ARID5B: variants seen among roughly 807,000 people sequenced by gnomAD.
ARID5B encodes AT-rich interactive domain-containing protein 5B.
Under a neutral mutation model 97.2 loss-of-function variants are expected in ARID5B, and 13 were observed. That is an observed-to-expected ratio of 0.13 (90% CI 0.09 to 0.21). ARID5B has a LOEUF of 0.21. Ranked by LOEUF, ARID5B falls within the 10% of genes least tolerant of loss-of-function variation. ARID5B has a pLI of 1.00. For synonymous variants in ARID5B, 556 were observed against 570.3 expected (o/e 0.97, Z 0.36); for missense variants, 1,210 against 1,465.3 (o/e 0.83, Z 2.84).
chr10:62,080,535 T>C (rs984974602), intron 8 of ARID5B, among the ~76,000 whole-genome samples: 1 of 152,250 alleles, frequency 6.6e-6, no homozygotes, highest in Non-Finnish European at 1.5e-5. Flanking sequence ...TTATTGGAAC[T>C]GTAACAAGCA....
At chr10:61,983,657 A>G (rs1402050553) in intron 3 of ARID5B, among the ~76,000 whole-genome samples, 1 of 152,108 alleles carries the variant, frequency 6.6e-6, no homozygotes, top group Non-Finnish European at 1.5e-5. Context: ...ATTTTATATT[A>G]GTAATATCGT....
chr10:61,980,651 C>T (rs1838764836), intron 3 of ARID5B, among the ~76,000 whole-genome samples: 2 of 152,218 alleles, frequency 1.3e-5, no homozygotes, highest in South Asian at 4.1e-4. Context: ...CATCGAGCTT[C>T]CTGGTTCCAA....
chr10:62,002,353 T>G (rs565331096), intron 4 of ARID5B, among the ~76,000 whole-genome samples: 12 of 152,248 alleles, frequency 7.9e-5, no homozygotes, highest in Non-Finnish European at 1.3e-4. Flanking sequence ...ATTTTAATGC[T>G]GTTTTTCTTC....
At chr10:61,998,563 C>A (rs1839033530) in intron 3 of ARID5B, among the ~76,000 whole-genome samples, 1 of 152,192 alleles carries the variant, frequency 6.6e-6, no homozygotes, top group Non-Finnish European at 1.5e-5. Flanking sequence ...CATGCAGAAT[C>A]TGGTGTTTAC....
Position 62,092,931 on chromosome 10 carries a change from C to T in ARID5B, c.3468C>T (p.Asp1156=), listed in dbSNP as rs768148167. The part of the protein sequence containing the change: ...AATPVGSSYG[D]LLHNSIYPLA... ...CACCTGTAGGAAGTTCATATGGGGA[C>T]CTTTTGCATAACAGCATTTACCCTT... Residue 1156 remains aspartate, a synonymous_variant, in exon 10 of 10, where the codon GAC becomes GAT. Coordinates refer to ENST00000279873, the MANE Select transcript of ARID5B (RefSeq NM_032199.3). The T allele has an allele frequency of 6.2e-7, 1 of 1,614,214 alleles. No individual in the cohort carries two copies. Among genetic ancestry groups the T allele is most frequent in the East Asian group, 2.2e-5 (1 of 44,886 alleles).
intron 4 of ARID5B, among the ~76,000 whole-genome samples, chr10:62,030,287 G>A (rs1450838074): frequency 6.6e-6 from 1 of 151,924 alleles, no homozygotes; most frequent in South Asian, 2.1e-4. Context: ...CTGCTATCAC[G>A]CCCAGCTAAT....
chr10:61,987,882 C>T (rs1851926600), intron 3 of ARID5B, among the ~76,000 whole-genome samples: 1 of 152,064 alleles, frequency 6.6e-6, no homozygotes, highest in Non-Finnish European at 1.5e-5. Context: ...ATAGTAGTCA[C>T]GAGCAATTTG....
intron 3 of ARID5B, among the ~76,000 whole-genome samples, chr10:61,973,366 T>C (rs931988987): frequency 1.3e-5 from 2 of 152,238 alleles, no homozygotes; most frequent in African/African-American, 4.8e-5. Flanking sequence ...TGAGCATTTA[T>C]CCTGATGATG....
chr10:62,058,501 G>C (rs1839884364), intron 6 of ARID5B, among the ~76,000 whole-genome samples: 1 of 152,008 alleles, frequency 6.6e-6, no homozygotes, highest in Non-Finnish European at 1.5e-5. Context: ...AATGAACAGG[G>C]TTGCTAGCAA....
In ARID5B at chr10:62,087,502, A is replaced by G. The variant is rs539225296; in HGVS notation, c.1398+1602A>G. ...GTAGGCTGATCTGGGCTCCATTTCA[A>G]CATGAATAATAAAAAACGCTGCTGC... On this transcript the variant is annotated intron_variant, in intron 9 of 9. Transcript: ENST00000279873. Among the ~76,000 whole-genome samples the G allele has an allele frequency of 2.8e-3, 428 of 151,544 alleles. 5 individuals are homozygous for G. The highest frequency in any genetic ancestry group is 9.9e-3 in the African/African-American group (410 of 41,264).
At position 62,085,843 on chromosome 10, in the gene ARID5B, A is replaced by G. The variant is rs763653723; in HGVS notation, c.1341A>G (p.Glu447=). ...KVSGTKRIKH[E]IPKSKKEKEN... is the part of the protein sequence containing the mutation. Reference sequence around the variant, plus strand: ...CTGGAACCAAACGCATCAAACATGAAATACCTAAAAGCAAGAAAGAAAAAG... The same window carrying G: ...CTGGAACCAAACGCATCAAACATGAGATACCTAAAAGCAAGAAAGAAAAAG... Residue 447 remains glutamate (E), a synonymous_variant, in exon 9 of 10, where the codon GAA becomes GAG. Coordinates refer to ENST00000279873, the MANE Select transcript of ARID5B (RefSeq NM_032199.3). 18 of 1,614,008 alleles carry G rather than the reference A, an allele frequency of 1.1e-5. No individual in the cohort carries two copies. The highest frequency in any genetic ancestry group is 1.6e-4 in the Middle Eastern group (1 of 6,084).
At chr10:62,024,201 C>A (rs906812134) in intron 4 of ARID5B, among the ~76,000 whole-genome samples, 4 of 152,134 alleles carry the variant, frequency 2.6e-5, no homozygotes, top group African/African-American at 4.8e-5. Flanking sequence ...GGAATTAAAT[C>A]GACATGACTC....
At chr10:62,026,576 T>A (rs1025028131) in intron 4 of ARID5B, among the ~76,000 whole-genome samples, 7 of 152,194 alleles carry the variant, frequency 4.6e-5, no homozygotes, top group African/African-American at 1.4e-4. Flanking sequence ...TTTAAAAAAA[T>A]TATATTTATT....
intron 3 of ARID5B, among the ~76,000 whole-genome samples, chr10:61,981,186 A>C (rs4600156): frequency 0.97 from 148,417 of 152,278 alleles, 72,422 homozygotes; most frequent in East Asian, 1. Flanking sequence ...AAGGGCTTAG[A>C]GCTTGCCTGT....
chr10:62,070,411 A>G (rs2132954781), intron 8 of ARID5B, among the ~76,000 whole-genome samples: 1 of 152,328 alleles, frequency 6.6e-6, no homozygotes, highest in South Asian at 2.1e-4. Flanking sequence ...CGTTTGCATT[A>G]GGACTCCATT....
chr10:61,950,040 C>T (rs1320308558), intron 3 of ARID5B, among the ~76,000 whole-genome samples: 1 of 152,012 alleles, frequency 6.6e-6, no homozygotes, highest in Admixed American at 6.6e-5. Flanking sequence ...TGGAGGTTTG[C>T]TCTGTCACCC....
In ARID5B at chr10:61,993,120, TACACAC is replaced by T. The variant is rs35119824; in HGVS notation, c.503-6946_503-6941del. The stretch of plus-strand genomic sequence containing the variant: ...TAACAGCTTTGATGAGGAAGGGAGA[TACACAC>T]ACACACACACACACACACACACACG... On this transcript the variant is annotated intron_variant, in intron 3 of 9. Transcript: ENST00000279873. Among the ~76,000 whole-genome samples the T allele has an allele frequency of 2.5e-3, 372 of 148,088 alleles. 1 individual carries two copies. Among genetic ancestry groups the T allele is most frequent in the South Asian group, 7.0e-3 (32 of 4,600 alleles).
chr10:62,086,277 G>A (rs1308771679), intron 9 of ARID5B, among the ~76,000 whole-genome samples: 1 of 152,168 alleles, frequency 6.6e-6, no homozygotes. Flanking sequence ...GTCTATCTGA[G>A]GTGCTGGTGC....
Position 61,992,873 on chromosome 10 carries a change from G to A in ARID5B, c.503-7218G>A, listed in dbSNP as rs140897883. ...CGAGAATTACAAAATCATTAAGGGT[G>A]GGGCAGCACCAGCTGACTTACAGTA... is the stretch of plus-strand genomic sequence containing the variant. On this transcript the variant is annotated intron_variant, in intron 3 of 9. Coordinates refer to ENST00000279873, the MANE Select transcript of ARID5B (RefSeq NM_032199.3). Among the ~76,000 whole-genome samples, 250 of 152,176 alleles carry A rather than the reference G, an allele frequency of 1.6e-3. 1 individual carries two copies. The highest frequency in any genetic ancestry group is 5.0e-3 in the African/African-American group (208 of 41,508).
Sources: allele counts gnomAD v4.1 joint callset (sites outside exome capture counted in the v4.1 genomes callset), GRCh38; gene constraint gnomAD v4.1.1; transcripts MANE v1.5; gene names NCBI Gene and HGNC (gene_info 2026-07-23, HGNC 2026-07-21).